Variants in PABPC4L observed in about 807,000 individuals in gnomAD.
The protein encoded by PABPC4L is poly(A) binding protein cytoplasmic 4 like.
For missense variants in PABPC4L, 452 were observed against 451.4 expected, an observed-to-expected ratio of 1.00 and a Z score of -0.01; for synonymous variants, 169 against 164.1, an observed-to-expected ratio of 1.03 and a Z score of -0.23.
the PABPC4L span, among the ~76,000 whole-genome samples, chr4:134,181,908 G>T: frequency 6.6e-6 from 1 of 151,152 alleles, no homozygotes; most frequent in South Asian, 2.1e-4. Flanking sequence ...CATGCTCATA[G>T]ATAGGAAGTA....
At chr4:134,190,875 C>T in the PABPC4L span, among the ~76,000 whole-genome samples, 4 of 152,090 alleles carry the variant, frequency 2.6e-5, no homozygotes, top group Non-Finnish European at 5.9e-5. Flanking sequence ...TGGTCTCTAA[C>T]TCCTGACCTC....
the PABPC4L span, among the ~76,000 whole-genome samples, chr4:134,043,422 C>T: frequency 4.6e-5 from 7 of 152,036 alleles, no homozygotes; most frequent in African/African-American, 1.4e-4. Context: ...TAAAATGAAA[C>T]AGTTTTGTGA....
chr4:134,164,938 GAA>G, the PABPC4L span, among the ~76,000 whole-genome samples: 1 of 152,114 alleles, frequency 6.6e-6, no homozygotes, highest in East Asian at 1.9e-4. Context: ...TAGATACATA[GAA>G]CAATGGAACA....
chr4:134,172,364 A>T, the PABPC4L span, among the ~76,000 whole-genome samples: 1 of 151,980 alleles, frequency 6.6e-6, no homozygotes, highest in Non-Finnish European at 1.5e-5. Context: ...ATAAATCCAA[A>T]CCCCTACAAA....
At chr4:134,134,010 A>C in the PABPC4L span, among the ~76,000 whole-genome samples, 2 of 152,082 alleles carry the variant, frequency 1.3e-5, no homozygotes, top group African/African-American at 2.4e-5. Flanking sequence ...ATTGAAAGAA[A>C]AAAAACTATT....
chr4:134,176,518 A>G, the PABPC4L span, among the ~76,000 whole-genome samples: 1 of 152,244 alleles, frequency 6.6e-6, no homozygotes, highest in Non-Finnish European at 1.5e-5. Flanking sequence ...GCAAATGTAG[A>G]AACACTTAAA....
chr4:133,975,882 G>A, the PABPC4L span, among the ~76,000 whole-genome samples: 1 of 152,094 alleles, frequency 6.6e-6, no homozygotes, highest in Non-Finnish European at 1.5e-5. Flanking sequence ...TAATGAGAAA[G>A]CCCAGGAGAA....
At chr4:134,137,001 T>A in the PABPC4L span, among the ~76,000 whole-genome samples, 2 of 151,992 alleles carry the variant, frequency 1.3e-5, no homozygotes, top group Non-Finnish European at 2.9e-5. Flanking sequence ...TTAGAACAAA[T>A]GGGCTATGCT....
the PABPC4L span, among the ~76,000 whole-genome samples, chr4:134,067,935 T>G: frequency 4.7e-4 from 72 of 152,274 alleles, no homozygotes; most frequent in African/African-American, 1.7e-3. Flanking sequence ...AAGAATTATT[T>G]TATGGCTGAC....
At chr4:134,053,190 G>T in the PABPC4L span, among the ~76,000 whole-genome samples, 1 of 151,904 alleles carries the variant, frequency 6.6e-6, no homozygotes, top group Non-Finnish European at 1.5e-5. Flanking sequence ...AAAGACACTA[G>T]GAAAAAAATA....
chr4:134,058,496 G>GCA, the PABPC4L span, among the ~76,000 whole-genome samples: 65 of 151,370 alleles, frequency 4.3e-4, no homozygotes, highest in Admixed American at 2.2e-3. Context: ...AGACACACAT[G>GCA]CACACACACA....
chr4:134,100,987 A>T, the PABPC4L span, among the ~76,000 whole-genome samples: 1 of 150,850 alleles, frequency 6.6e-6, no homozygotes, highest in Admixed American at 6.6e-5. Flanking sequence ...AGGAAAATAC[A>T]TATTTCCCAT....
the PABPC4L span, among the ~76,000 whole-genome samples, chr4:134,007,041 A>G: frequency 6.6e-6 from 1 of 151,902 alleles, no homozygotes; most frequent in African/African-American, 2.4e-5. Context: ...ATATACAAGC[A>G]GCATAAAGGA....
chr4:134,041,715 A>T, the PABPC4L span, among the ~76,000 whole-genome samples: 5 of 151,692 alleles, frequency 3.3e-5, no homozygotes, highest in South Asian at 2.1e-4. Context: ...TAGTATAATT[A>T]AAAAAAAAGA....
At chr4:134,151,083 G>A in the PABPC4L span, among the ~76,000 whole-genome samples, 6 of 152,108 alleles carry the variant, frequency 3.9e-5, no homozygotes, top group African/African-American at 1.4e-4. Flanking sequence ...AAAGTAGCCA[G>A]AAGTATAGTA....
chr4:134,021,714 G>A, the PABPC4L span, among the ~76,000 whole-genome samples: 1 of 152,042 alleles, frequency 6.6e-6, no homozygotes, highest in Non-Finnish European at 1.5e-5. Context: ...TCTAATGTGA[G>A]TTTCTTCTAG....
the PABPC4L span, among the ~76,000 whole-genome samples, chr4:133,974,862 AT>A: frequency 1.3e-5 from 2 of 152,152 alleles, no homozygotes; most frequent in Non-Finnish European, 2.9e-5. Flanking sequence ...ATTAGCAAAA[AT>A]GTGGAGCAAC....
the PABPC4L span, among the ~76,000 whole-genome samples, chr4:134,039,034 AT>A: frequency 2.6e-5 from 4 of 151,976 alleles, no homozygotes; most frequent in Admixed American, 6.6e-5. Context: ...CTTTGTTCTC[AT>A]TGGTTTCAAA....
chr4:133,959,423 G>A, the PABPC4L span, among the ~76,000 whole-genome samples: 6 of 152,192 alleles, frequency 3.9e-5, no homozygotes, highest in Non-Finnish European at 8.8e-5. Context: ...GAAGAAGCCA[G>A]AAATGTGAGT....
Sources: allele counts gnomAD v4.1 joint callset (sites outside exome capture counted in the v4.1 genomes callset), GRCh38; gene constraint gnomAD v4.1.1; transcripts MANE v1.5; gene names NCBI Gene and HGNC (gene_info 2026-07-23, HGNC 2026-07-21).